NID1: variants seen among roughly 807,000 people sequenced by gnomAD.
NID1 encodes the protein nidogen 1, also known as nidogen-1.
In NID1, 76 loss-of-function variants were observed where a neutral mutation model predicts 130.6. That is an observed-to-expected ratio of 0.58 (90% CI 0.48 to 0.70). The LOEUF (loss-of-function observed/expected upper bound fraction) is 0.70. Among genes scored for constraint, NID1 ranks in the 30% least tolerant of loss-of-function variants. The probability of loss-of-function intolerance (pLI) is 0.00; values close to 1 mark genes in which losing one functional copy is unlikely to be tolerated. For synonymous variants in NID1, 665 were observed against 675.1 expected (o/e 0.98, Z 0.23); for missense variants, 1,517 against 1,664.8 (o/e 0.91, Z 1.54).
At position 236,032,448 on chromosome 1, in the gene NID1, A is replaced by T. The variant is rs1659125592; in HGVS notation, c.1490T>A (p.Met497Lys). 6.2e-7 allele frequency: 1 copy of T among 1,614,118 alleles called. No homozygotes were observed. Among genetic ancestry groups the T allele is most frequent in the Non-Finnish European group, 8.5e-7 (1 of 1,180,024 alleles). ...GAATCCGTCCTGCTCCACTGCAAACATCCATCCAATGATGCCTCCAACTGG... is the reference window on the plus strand; with the variant it reads ...GAATCCGTCCTGCTCCACTGCAAACTTCCATCCAATGATGCCTCCAACTGG... Reference protein sequence around the residue: ...LAPVGGIIGWMFAVEQDGFKN... With the variant: ...LAPVGGIIGWKFAVEQDGFKN... The change falls in exon 6 of 20, where the codon ATG becomes AAG. Residue 497 changes from methionine to lysine, a missense_variant. By Grantham distance (95) the Met-to-Lys change is moderately conservative. Coordinates refer to ENST00000264187, the MANE Select transcript of NID1 (RefSeq NM_002508.3).
At chr1:236,049,725 G>A (rs993735851) in intron 1 of NID1, among the ~76,000 whole-genome samples, 1 of 152,106 alleles carries the variant, frequency 6.6e-6, no homozygotes, top group African/African-American at 2.4e-5. Context: ...AATGTCTAAT[G>A]CTCAGAAGAA....
chr1:235,993,285 C>T (rs573990643), intron 13 of NID1, among the ~76,000 whole-genome samples: 36 of 152,224 alleles, frequency 2.4e-4, no homozygotes, highest in Non-Finnish European at 4.6e-4. Flanking sequence ...ATTCCACCTC[C>T]ACGCCTCCCT....
At chr1:236,051,219 G>A (rs1357125739) in intron 1 of NID1, among the ~76,000 whole-genome samples, 19 of 152,022 alleles carry the variant, frequency 1.2e-4, no homozygotes, top group Non-Finnish European at 1.5e-5. Context: ...TTGTTAGAAG[G>A]CCAGTGGATT....
intron 12 of NID1, among the ~76,000 whole-genome samples, chr1:235,995,609 C>T (rs1657897900): frequency 6.6e-6 from 1 of 152,176 alleles, no homozygotes; most frequent in Non-Finnish European, 1.5e-5. Flanking sequence ...GTCTTGTTGC[C>T]TCTCCCTCCC....
chr1:236,051,852 C>A (rs890185425), intron 1 of NID1, among the ~76,000 whole-genome samples: 2 of 152,262 alleles, frequency 1.3e-5, no homozygotes, highest in Non-Finnish European at 2.9e-5. Context: ...ATTTTGAAAA[C>A]ACTCTCAGTG....
intron 1 of NID1, among the ~76,000 whole-genome samples, chr1:236,058,725 T>G (rs1028610294): frequency 5.9e-5 from 9 of 152,168 alleles, no homozygotes; most frequent in Non-Finnish European, 1.0e-4. Flanking sequence ...GCCGGGGGCT[T>G]AGATGAGCCT....
intron 1 of NID1, among the ~76,000 whole-genome samples, chr1:236,055,991 AT>A (rs2102850874): frequency 6.6e-6 from 1 of 152,320 alleles, no homozygotes; most frequent in South Asian, 2.1e-4. Flanking sequence ...GAACCCACAC[AT>A]TTACGGTCAA....
At chr1:236,064,767 T>A (rs2102857060) in intron 1 of NID1, 88 bp downstream of exon 1, 2 of 1,300,842 alleles carry the variant, frequency 1.5e-6, no homozygotes, top group African/African-American at 3.1e-5. Flanking sequence ...GGTCCCCGCC[T>A]GCTACGCCCA....
intron 12 of NID1, among the ~76,000 whole-genome samples, chr1:236,009,350 T>G (rs1658342271): frequency 6.6e-6 from 1 of 152,234 alleles, no homozygotes; most frequent in Non-Finnish European, 1.5e-5. Flanking sequence ...GATCTCAGAC[T>G]TTCCAGCCTT....
At chr1:236,024,004 C>T (rs2102825006) in intron 9 of NID1, 66 bp downstream of exon 9, 2 of 1,589,366 alleles carry the variant, frequency 1.3e-6, no homozygotes, top group East Asian at 2.2e-5. Flanking sequence ...CTCTGGTTTA[C>T]AGAACGTGGA....
At chr1:236,034,473 A>G (rs1659194774) in intron 5 of NID1, among the ~76,000 whole-genome samples, 1 of 152,044 alleles carries the variant, frequency 6.6e-6, no homozygotes, top group African/African-American at 2.4e-5. Context: ...TGAAATACTG[A>G]TATGGGCTAA....
At chr1:236,029,784 C>G (rs1240120181) in intron 6 of NID1, 34 bp from the exon 7 acceptor site, 2 of 1,608,438 alleles carry the variant, frequency 1.2e-6, no homozygotes, top group African/African-American at 2.7e-5. Context: ...ACTTTGCTGA[C>G]TGGGGAGCGC....
chr1:236,051,279 TC>T (rs1659757922), intron 1 of NID1, among the ~76,000 whole-genome samples: 1 of 17,680 alleles, frequency 5.7e-5, no homozygotes, highest in African/African-American at 2.2e-4. Flanking sequence ...CCCCCTCCCC[TC>T]CCTCCTCCTC....
At chr1:236,045,221 A>T (rs1189233394) in intron 3 of NID1, among the ~76,000 whole-genome samples, 3 of 151,656 alleles carry the variant, frequency 2.0e-5, no homozygotes, top group Admixed American at 2.0e-4. Context: ...AAAAAAAAAA[A>T]AAAAAAAAAA....
chr1:235,978,086 A>G, intron 19 of NID1, 98 bp from the exon 20 acceptor site: 1 of 1,444,720 alleles, frequency 6.9e-7, no homozygotes, highest in African/African-American at 1.4e-5. Context: ...TCCCCCTTTT[A>G]GTTTCCTTGA....
intron 7 of NID1, among the ~76,000 whole-genome samples, chr1:236,027,064 C>T (rs530125371): frequency 2.7e-4 from 41 of 152,048 alleles, no homozygotes; most frequent in Non-Finnish European, 5.4e-4. Flanking sequence ...TTCTACATAC[C>T]GGTCTAGACC....
At chr1:236,015,662 A>AG (rs1658569364) in intron 10 of NID1, among the ~76,000 whole-genome samples, 2 of 150,986 alleles carry the variant, frequency 1.3e-5, no homozygotes, top group Admixed American at 1.3e-4. Flanking sequence ...AAAAAAAAAA[A>AG]AAAAAGGGAG....
chr1:235,981,873 G>A (rs992936475), intron 15 of NID1, 91 bp from the exon 16 acceptor site: 2 of 1,206,290 alleles, frequency 1.7e-6, no homozygotes, highest in Non-Finnish European at 2.3e-6. Flanking sequence ...ATTTCACATG[G>A]TGTCCAATCC....
rs1174466312 is a variant in NID1 at position 236,064,863 on chromosome 1, C to A, written c.217G>T (p.Ala73Ser). ...LRFYDRSDID[A>S]VYVTTNGIIA... ...TCCCGGGGCTCACTCACGTAGACTGCGTCGATGTCGGATCTGTCGTAGAAG... is the reference window on the plus strand; with the variant it reads ...TCCCGGGGCTCACTCACGTAGACTGAGTCGATGTCGGATCTGTCGTAGAAG... Residue 73 changes from alanine to serine, a missense_variant, in exon 1 of 20, where the codon GCA (alanine) becomes TCA (serine). By Grantham distance (99) the Ala-to-Ser change is moderately conservative. Coordinates refer to ENST00000264187, the MANE Select transcript of NID1 (RefSeq NM_002508.3). 6.8e-6 allele frequency: 11 copies of A among 1,611,196 alleles called. No individual in the cohort carries two copies. Among genetic ancestry groups the A allele is most frequent in the African/African-American group, 1.3e-5 (1 of 74,860 alleles).
Sources: allele counts gnomAD v4.1 joint callset (sites outside exome capture counted in the v4.1 genomes callset), GRCh38; gene constraint gnomAD v4.1.1; transcripts MANE v1.5; gene names NCBI Gene and HGNC (gene_info 2026-07-23, HGNC 2026-07-21).